Variants in CNKSR3 observed in about 807,000 individuals in gnomAD.
CNKSR3 encodes connector enhancer of kinase suppressor of ras 3.
A neutral mutation model predicts 67.7 loss-of-function variants in CNKSR3; 36 were observed. The ratio of observed to expected loss-of-function variants is 0.53; its 90% confidence interval spans 0.41 to 0.70. The LOEUF (loss-of-function observed/expected upper bound fraction) is 0.70. CNKSR3 is among the 30% of genes least tolerant of loss of function. The pLI, the probability that CNKSR3 is intolerant of heterozygous loss-of-function variation, is 0.00. For synonymous variants in CNKSR3, 281 were observed against 271.4 expected (o/e 1.04, Z -0.35); for missense variants, 630 against 695.2 (o/e 0.91, Z 1.05).
intron 7 of CNKSR3, among the ~76,000 whole-genome samples, chr6:154,427,557 A>G (rs543239583): frequency 3.3e-5 from 5 of 152,318 alleles, no homozygotes; most frequent in African/African-American, 1.2e-4. Flanking sequence ...ACAACTCTAC[A>G]CATAGCAGAA....
At chr6:154,495,141 C>G (rs935365321) in intron 1 of CNKSR3, among the ~76,000 whole-genome samples, 6 of 152,138 alleles carry the variant, frequency 3.9e-5, no homozygotes, top group African/African-American at 1.4e-4. Flanking sequence ...GCGTGCCAGG[C>G]TGCATGATAT....
rs1293737905 is a variant in CNKSR3 at position 154,397,773 on chromosome 6, C to T, written c.*8581G>A. On this transcript the variant is annotated 3_prime_UTR_variant, in exon 13 of 13. Coordinates refer to ENST00000607772, the MANE Select transcript of CNKSR3 (RefSeq NM_173515.4). ...GTGCAGTGGGGGTGTGTGAGATGCA[C>T]AGGGCAGACAGTACAGCCTGCAACT... 6.6e-6 allele frequency: 1 copy of T among 151,888 alleles called. No individual in the cohort carries two copies. The highest frequency in any genetic ancestry group is 1.5e-5 in the Non-Finnish European group (1 of 68,042). 9.4% of individuals were successfully genotyped at this position (151,888 alleles called of 1,614,324 possible). A position where few individuals can be genotyped will look rare whatever the true frequency, so the allele number is the denominator to read the frequency against.
intron 2 of CNKSR3, 60 bp from the exon 3 acceptor site, chr6:154,442,350 C>T (rs1420470974): frequency 6.4e-6 from 9 of 1,411,198 alleles, no homozygotes; most frequent in African/African-American, 4.3e-5. Context: ...CGACAGGGCG[C>T]GGTGGCTCAC....
At chr6:154,473,869 C>T (rs1247211149) in intron 1 of CNKSR3, among the ~76,000 whole-genome samples, 1 of 151,572 alleles carries the variant, frequency 6.6e-6, no homozygotes, top group African/African-American at 2.4e-5. Context: ...ACTGCAACCT[C>T]CGACTCCCTG....
chr6:154,429,080 C>T (rs1457827451), intron 6 of CNKSR3, among the ~76,000 whole-genome samples: 1 of 152,100 alleles, frequency 6.6e-6, no homozygotes, highest in East Asian at 1.9e-4. Flanking sequence ...CAATGCCTCA[C>T]TGAGTGATAC....
chr6:154,429,321 C>T (rs1030539003), intron 6 of CNKSR3, among the ~76,000 whole-genome samples: 1 of 152,180 alleles, frequency 6.6e-6, no homozygotes, highest in African/African-American at 2.4e-5. Context: ...CCATCAAACA[C>T]CAGCGCCTTC....
At chr6:154,492,433 C>T (rs149920492) in intron 1 of CNKSR3, among the ~76,000 whole-genome samples, 1 of 152,226 alleles carries the variant, frequency 6.6e-6, no homozygotes, top group Non-Finnish European at 1.5e-5. Flanking sequence ...ACATATATCC[C>T]ACCATCTCCC....
At position 154,393,841 on chromosome 6, in the gene CNKSR3, C is replaced by G. The variant is rs1784632171; in HGVS notation, c.*12513G>C. 1 of 152,046 alleles carries G rather than the reference C, an allele frequency of 6.6e-6. No individual in the cohort carries two copies. The highest frequency in any genetic ancestry group is 2.4e-5 in the African/African-American group (1 of 41,378). 9.4% of individuals were successfully genotyped at this position (152,046 alleles called of 1,614,324 possible). On this transcript the variant is annotated 3_prime_UTR_variant, in exon 13 of 13. Coordinates refer to ENST00000607772, the MANE Select transcript of CNKSR3 (RefSeq NM_173515.4). ...AGTAATGAAAATGCCATATACCAAG[C>G]CTTGCAAAACATGGCAAAATAAATG...
chr6:154,492,240 T>C (rs928582972), intron 1 of CNKSR3, among the ~76,000 whole-genome samples: 1 of 152,342 alleles, frequency 6.6e-6, no homozygotes, highest in Non-Finnish European at 1.5e-5. Context: ...GCAACTTCAC[T>C]GCAATCCTTG....
Position 154,441,352 on chromosome 6 carries a change from G to A in CNKSR3, c.447C>T (p.Phe149=), listed in dbSNP as rs370923110. The change falls in exon 4 of 13, where the codon TTC becomes TTT. Residue 149 remains phenylalanine, a synonymous_variant. Coordinates refer to ENST00000607772, the MANE Select transcript of CNKSR3 (RefSeq NM_173515.4). ...GGATAATTTTGTTCTTCGTGACTGA[G>A]AAATCAGTGATCCCTGTAAACGGAG... The part of the protein sequence containing the change: ...DRAPFTGITD[F]SVTKNKIIQL... 3.9e-5 allele frequency: 63 copies of A among 1,613,544 alleles called. No homozygotes were observed. The highest frequency in any genetic ancestry group is 4.2e-6 in the Non-Finnish European group (5 of 1,179,878).
intron 1 of CNKSR3, among the ~76,000 whole-genome samples, chr6:154,469,903 T>A (rs530516980): frequency 6.6e-6 from 1 of 152,346 alleles, no homozygotes; most frequent in African/African-American, 2.4e-5. Flanking sequence ...TATATCTACA[T>A]ATATTTTATG....
chr6:154,509,993 T>A, intron 1 of CNKSR3, 70 bp downstream of exon 1: 2 of 1,560,140 alleles, frequency 1.3e-6, no homozygotes, highest in Non-Finnish European at 1.8e-6. Flanking sequence ...CCAAGTACCC[T>A]CTTCCCCAGC....
At chr6:154,490,165 A>T (rs1786757950) in intron 1 of CNKSR3, among the ~76,000 whole-genome samples, 1 of 152,194 alleles carries the variant, frequency 6.6e-6, no homozygotes, top group Non-Finnish European at 1.5e-5. Context: ...TCACAGATCA[A>T]AGGAAATAAA....
At chr6:154,480,083 G>C (rs572204955) in intron 1 of CNKSR3, among the ~76,000 whole-genome samples, 2 of 152,336 alleles carry the variant, frequency 1.3e-5, no homozygotes, top group South Asian at 2.1e-4. Context: ...GGAACGGAAA[G>C]TTATCTATGG....
In CNKSR3 at chr6:154,411,050, A is replaced by T; in HGVS notation, c.1163T>A (p.Leu388Ter). The change falls in exon 11 of 13, where the codon TTG becomes TAG. Residue 388 changes from leucine (L) to a stop codon, truncating the protein, a stop_gained. Coordinates refer to ENST00000607772, the MANE Select transcript of CNKSR3 (RefSeq NM_173515.4). LOFTEE classifies it high-confidence loss of function. ...PKGSESPNSF[L>*]DQESRRRRFT... The stretch of plus-strand genomic sequence containing the variant: ...TCTTCGTCTCCGGCTTTCCTGGTCC[A>T]AGAAGGAATTCGGGGACTCTGAACC... 1.2e-6 allele frequency: 2 copies of T among 1,614,144 alleles called. No individual in the cohort carries two copies. The highest frequency in any genetic ancestry group is 1.7e-6 in the Non-Finnish European group (2 of 1,180,004).
intron 5 of CNKSR3, among the ~76,000 whole-genome samples, chr6:154,431,500 A>G (rs1231691702): frequency 6.6e-6 from 1 of 151,328 alleles, no homozygotes; most frequent in Non-Finnish European, 1.5e-5. Context: ...TTGAGACACT[A>G]TTATCAACTA....
At chr6:154,440,802 A>G (rs1785565646) in intron 4 of CNKSR3, among the ~76,000 whole-genome samples, 1 of 152,198 alleles carries the variant, frequency 6.6e-6, no homozygotes, top group Non-Finnish European at 1.5e-5. Context: ...TTTGGATGTA[A>G]ATAATCAAGG....
chr6:154,424,641 G>A (rs1785218061), intron 7 of CNKSR3, among the ~76,000 whole-genome samples: 1 of 152,110 alleles, frequency 6.6e-6, no homozygotes, highest in Non-Finnish European at 1.5e-5. Flanking sequence ...TTTTATCTAG[G>A]CCTCATACAA....
Position 154,387,614 on chromosome 6 carries a change from C to T in CNKSR3, c.*18740G>A, listed in dbSNP as rs1006731106. ...TTATCTAGTTCATGGTCCATGATAACCACAGATTGCTGCATTTGTAGCCAC... is the reference window on the plus strand; with the variant it reads ...TTATCTAGTTCATGGTCCATGATAATCACAGATTGCTGCATTTGTAGCCAC... On this transcript the variant is annotated 3_prime_UTR_variant, in exon 13 of 13. Coordinates refer to ENST00000607772, the MANE Select transcript of CNKSR3 (RefSeq NM_173515.4). 6.6e-6 allele frequency: 1 copy of T among 152,134 alleles called. No homozygotes were observed. Among genetic ancestry groups the T allele is most frequent in the Non-Finnish European group, 1.5e-5 (1 of 68,028 alleles). The allele number at this position is 152,134 out of a possible 1,614,324, so 9.4% of individuals were successfully genotyped here. A position where few individuals can be genotyped will look rare whatever the true frequency, so the allele number is the denominator to read the frequency against.
Sources: allele counts gnomAD v4.1 joint callset (sites outside exome capture counted in the v4.1 genomes callset), GRCh38; gene constraint gnomAD v4.1.1; transcripts MANE v1.5; gene names NCBI Gene and HGNC (gene_info 2026-07-23, HGNC 2026-07-21).